The following SPAM1 variants were observed in gnomAD, a reference collection of about 807,000 sequenced individuals.
The protein encoded by SPAM1 is sperm adhesion molecule 1.
In SPAM1, 22 loss-of-function variants were observed where a neutral mutation model predicts 29.6. The ratio of observed to expected loss-of-function variants is 0.74; its 90% CI spans 0.53 to 1.06. The LOEUF is 1.06. Among genes scored for constraint, SPAM1 ranks in the 50% least tolerant of loss-of-function variants. The pLI is 0.00. For missense variants in SPAM1, 534 were observed against 604.0 expected (o/e 0.88, Z 1.21); for synonymous variants, 194 against 204.6 (o/e 0.95, Z 0.44).
At chr7:123,937,408 T>C (rs1014399671) in intron 1 of SPAM1, among the ~76,000 whole-genome samples, 9 of 152,004 alleles carry the variant, frequency 5.9e-5, no homozygotes, top group East Asian at 1.9e-4. Context: ...GAGACCATCC[T>C]GGATAACATG....
intron 1 of SPAM1, among the ~76,000 whole-genome samples, chr7:123,948,603 T>A (rs1808663395): frequency 6.6e-6 from 1 of 152,116 alleles, no homozygotes; most frequent in African/African-American, 2.4e-5. Context: ...TGACTTAGAT[T>A]TGGGACTCCC....
At chr7:123,963,514 A>G (rs528979138), downstream of SPAM1, among the ~76,000 whole-genome samples, 1 of 151,958 alleles carries the variant, frequency 6.6e-6, no homozygotes, top group East Asian at 1.9e-4. Flanking sequence ...TTATCTCTTT[A>G]TATTTTATAT....
At chr7:123,930,102 T>G (rs777079946) in intron 1 of SPAM1, among the ~76,000 whole-genome samples, 1 of 152,044 alleles carries the variant, frequency 6.6e-6, no homozygotes. Context: ...ACTTTTGTTA[T>G]AAGTCTGATT....
chr7:123,954,593 A>G (rs1483387546), intron 3 of SPAM1, 69 bp downstream of exon 3: 2 of 1,082,552 alleles, frequency 1.8e-6, no homozygotes, highest in African/African-American at 1.6e-5. Flanking sequence ...ATTTAATATT[A>G]TTTTTGAAGG....
At chr7:123,955,141 G>C in intron 4 of SPAM1, 55 bp downstream of exon 4, 1 of 1,290,324 alleles carries the variant, frequency 7.7e-7, no homozygotes, top group Non-Finnish European at 1.1e-6. Flanking sequence ...AATGTTTTTG[G>C]GGATTGTTTT....
chr7:123,953,880 T>A lies in SPAM1; in HGVS notation c.310T>A (p.Ser104Thr). Residue 104 changes from serine (S) to threonine (T), a missense_variant, in exon 3 of 5, where the codon TCA becomes ACA. Physicochemically the swap from Ser to Thr is moderately conservative, Grantham distance 58. Transcript: ENST00000682466. ...ACTTGGCTACTATCCTTACATAGAT[T>A]CAATCACAGGAGTAACTGTGAATGG... ...DRLGYYPYID[S>T]ITGVTVNGGI... 1 of 1,613,764 alleles carries A rather than the reference T, an allele frequency of 6.2e-7. No individual in the cohort carries two copies. Among genetic ancestry groups the A allele is most frequent in the Non-Finnish European group, 8.5e-7 (1 of 1,179,818 alleles).
At chr7:123,951,388 G>C (rs1808760832) in intron 2 of SPAM1, among the ~76,000 whole-genome samples, 1 of 152,096 alleles carries the variant, frequency 6.6e-6, no homozygotes, top group Non-Finnish European at 1.5e-5. Context: ...AACAGGTAAA[G>C]TTCTCTATTA....
downstream of SPAM1, among the ~76,000 whole-genome samples, chr7:123,964,563 T>C (rs1309962094): frequency 6.6e-6 from 1 of 151,962 alleles, no homozygotes; most frequent in East Asian, 1.9e-4. Flanking sequence ...TTGACTCTGT[T>C]GCTTAGGCTG....
chr7:123,950,972 C>T (rs1181000836), intron 2 of SPAM1, among the ~76,000 whole-genome samples: 25 of 152,124 alleles, frequency 1.6e-4, no homozygotes, highest in Admixed American at 1.6e-3. Flanking sequence ...AAGATGATAT[C>T]TCATTGCAGT....
rs146943952 is a variant in SPAM1, at chr7:123,968,487, T to A, written c.1486-1711T>A. Among the ~76,000 whole-genome samples the A allele has an allele frequency of 2.3e-3, 345 of 152,124 alleles. 1 individual carries two copies. Among genetic ancestry groups the A allele is most frequent in the African/African-American group, 7.7e-3 (321 of 41,544 alleles). On this transcript the variant is annotated intron_variant, in intron 5 of 6. Coordinates refer to the SPAM1 transcript ENST00000340011. ...AACCTCAATCTGACACTAAGTTCCT[T>A]GTTAGGACAATGTCATCGAGTCTTG...
intron 2 of SPAM1, among the ~76,000 whole-genome samples, chr7:123,952,298 T>C (rs1053891536): frequency 7.2e-5 from 11 of 152,126 alleles, no homozygotes; most frequent in African/African-American, 2.7e-4. Context: ...TTTAGAGTCA[T>C]TTATTTTTCA....
At chr7:123,937,571 A>G (rs1000667550) in intron 1 of SPAM1, among the ~76,000 whole-genome samples, 7 of 139,378 alleles carry the variant, frequency 5.0e-5, no homozygotes, top group African/African-American at 1.6e-4. Flanking sequence ...ACTGCACTCC[A>G]GCCTGGGCAA....
chr7:123,960,160 A>G (rs1361373928), downstream of SPAM1: 2 of 731,730 alleles, frequency 2.7e-6, no homozygotes, highest in Middle Eastern at 4.0e-4. Flanking sequence ...ATTCTCAACC[A>G]TGAGTTCAGG....
intron 1 of SPAM1, among the ~76,000 whole-genome samples, chr7:123,933,657 G>A (rs1808158970): frequency 6.6e-6 from 1 of 152,004 alleles, no homozygotes; most frequent in South Asian, 2.1e-4. Context: ...TATGAGAAAG[G>A]GTTTGCAAAC....
chr7:123,936,844 A>G (rs1808256284), intron 1 of SPAM1, among the ~76,000 whole-genome samples: 2 of 152,218 alleles, frequency 1.3e-5, no homozygotes, highest in African/African-American at 4.8e-5. Context: ...CTATGGAGGC[A>G]AAACACCAGC....
At chr7:123,933,863 A>G (rs1405211891) in intron 1 of SPAM1, among the ~76,000 whole-genome samples, 3 of 151,692 alleles carry the variant, frequency 2.0e-5, no homozygotes, top group Non-Finnish European at 2.9e-5. Flanking sequence ...ATGATAGACC[A>G]TATATATATA....
intron 1 of SPAM1, among the ~76,000 whole-genome samples, chr7:123,933,023 C>T (rs1471258848): frequency 6.6e-6 from 1 of 151,746 alleles, no homozygotes; most frequent in Non-Finnish European, 1.5e-5. Flanking sequence ...AGGAGAATAG[C>T]AAACAATTTT....
rs183786514 is a variant in SPAM1, at chr7:123,926,616, T to C, written c.-319+1264T>C. On this transcript the variant is annotated intron_variant, in intron 1 of 4. Coordinates refer to ENST00000682466, the MANE Select transcript of SPAM1 (RefSeq NM_153189.3). ...GTGGTCGGGGTACAGTTTGGTTTTATGTGTTTTAGGAAGGCATGAGACATT... is the reference window on the plus strand; with the variant it reads ...GTGGTCGGGGTACAGTTTGGTTTTACGTGTTTTAGGAAGGCATGAGACATT... Among the ~76,000 whole-genome samples the C allele has an allele frequency of 7.2e-5, 11 of 152,282 alleles. No individual in the cohort carries two copies. In the East Asian group the frequency reaches 1.4e-3, roughly 19 times the overall value.
chr7:123,964,726 G>T (rs1219898108), downstream of SPAM1, among the ~76,000 whole-genome samples: 1 of 151,956 alleles, frequency 6.6e-6, no homozygotes, highest in Non-Finnish European at 1.5e-5. Context: ...TTAAAGACTG[G>T]AGGTAAAGAC....
Sources: allele counts gnomAD v4.1 joint callset (sites outside exome capture counted in the v4.1 genomes callset), GRCh38; gene constraint gnomAD v4.1.1; transcripts MANE v1.5; gene names NCBI Gene and HGNC (gene_info 2026-07-23, HGNC 2026-07-21).